Variants in UBAP2L observed in about 807,000 individuals in gnomAD.
UBAP2L encodes the protein ubiquitin-associated protein 2-like.
In UBAP2L, 12 loss-of-function variants were observed where a neutral mutation model predicts 130.6. The observed-to-expected ratio is 0.09, with a 90% CI of 0.06 to 0.15. The LOEUF is 0.15. Among genes scored for constraint, UBAP2L ranks in the 10% least tolerant of loss-of-function variants. The probability of loss-of-function intolerance (pLI) is 1.00; values close to 1 mark genes in which losing one functional copy is unlikely to be tolerated. For synonymous variants in UBAP2L, 503 were observed against 524.7 expected (o/e 0.96, Z 0.57); for missense variants, 965 against 1,332.5 (o/e 0.72, Z 4.29).
chr1:154,239,249 T>C (rs1430536983), intron 8 of UBAP2L, among the ~76,000 whole-genome samples: 1 of 152,156 alleles, frequency 6.6e-6, no homozygotes, highest in Non-Finnish European at 1.5e-5. Context: ...TCTTTTCTTT[T>C]TTTTTTGTTT....
Position 154,270,238 on chromosome 1 carries a change from G to A in UBAP2L, c.3207G>A (p.Pro1069=), listed in dbSNP as rs991190792. 3 of 1,612,840 alleles carry A rather than the reference G, an allele frequency of 1.9e-6. No individual in the cohort carries two copies. Among genetic ancestry groups the A allele is most frequent in the Non-Finnish European group, 2.5e-6 (3 of 1,179,388 alleles). Residue 1069 remains proline, a synonymous_variant, in exon 27 of 27, where the codon CCG becomes CCA. Transcript: ENST00000428931. ...AACGTAGCCAGACCAGCTCCATCCC[G>A]CAGAAGCCCCAGACCAACAAGTCTG... ...SGQRSQTSSI[P]QKPQTNKSAY...
intron 18 of UBAP2L, 41 bp from the exon 19 acceptor site, chr1:154,257,022 C>G (rs1213857847): frequency 6.3e-7 from 1 of 1,588,470 alleles, no homozygotes; most frequent in Non-Finnish European, 8.6e-7. Flanking sequence ...TGATGCTGAT[C>G]TCTTTTCTTC....
At chr1:154,232,503 C>T (rs1034358956) in intron 4 of UBAP2L, among the ~76,000 whole-genome samples, 8 of 152,076 alleles carry the variant, frequency 5.3e-5, no homozygotes, top group African/African-American at 1.2e-4. Flanking sequence ...GCTTATTTTC[C>T]TTACCACAGA....
chr1:154,256,749 T>G (rs1243529252), intron 18 of UBAP2L, among the ~76,000 whole-genome samples: 1 of 152,182 alleles, frequency 6.6e-6, no homozygotes, highest in African/African-American at 2.4e-5. Flanking sequence ...ACATCTCAAC[T>G]CTCTCTGTTC....
intron 4 of UBAP2L, among the ~76,000 whole-genome samples, chr1:154,231,310 C>CT (rs375526293): frequency 1.3e-3 from 174 of 133,332 alleles, no homozygotes; most frequent in African/African-American, 4.4e-3. Context: ...TTTCTTTTTT[C>CT]TTTTTTTTGA....
At position 154,270,425 on chromosome 1, in the gene UBAP2L, T is replaced by C; in HGVS notation, c.*130T>C. On this transcript the variant is annotated 3_prime_UTR_variant, in exon 27 of 27. Transcript: ENST00000428931. Reference sequence around the variant, plus strand: ...CCCCCACCCCCAGCGGCCCACCCCATGCCTCAGCTTCATGTCTGTCCCATT... The same window carrying C: ...CCCCCACCCCCAGCGGCCCACCCCACGCCTCAGCTTCATGTCTGTCCCATT... 4 of 1,158,032 alleles carry C rather than the reference T, an allele frequency of 3.5e-6. No individual in the cohort carries two copies. The highest frequency in any genetic ancestry group is 4.9e-6 in the Non-Finnish European group (4 of 813,102). 71.7% of individuals were successfully genotyped at this position (1,158,032 alleles called of 1,614,324 possible). A position where few individuals can be genotyped will look rare whatever the true frequency, so the allele number is the denominator to read the frequency against.
intron 25 of UBAP2L, among the ~76,000 whole-genome samples, chr1:154,267,911 C>T (rs1173220597): frequency 9.9e-4 from 26 of 26,288 alleles, no homozygotes; most frequent in Admixed American, 7.7e-3. Flanking sequence ...TTTTTTGAGA[C>T]GGAGTTTCAT....
chr1:154,255,431 T>C, intron 17 of UBAP2L, 105 bp downstream of exon 17: 1 of 1,440,604 alleles, frequency 6.9e-7, no homozygotes, highest in South Asian at 1.3e-5. Flanking sequence ...TAGCCCTGCT[T>C]TTGTCGTAAG....
intron 24 of UBAP2L, chr1:154,263,114 C>G (rs1402785865): frequency 6.4e-7 from 1 of 1,551,898 alleles, no homozygotes; most frequent in African/African-American, 1.4e-5. Context: ...AAGAAAATAT[C>G]CACCCCCTTA....
Position 154,255,317 on chromosome 1 carries a change from A to C in UBAP2L, c.2075A>C (p.Gln692Pro). ...SEEIPNTTTT[Q>P]HSSTLSTQQN... The stretch of plus-strand genomic sequence containing the variant: ...GAGATTCCAAATACTACCACCACAC[A>C]ACACAGCAGGTGATTTGGGGTGAGG... Residue 692 changes from glutamine (Q) to proline (P), a missense_variant, in exon 17 of 27, where the codon CAA (glutamine) becomes CCA (proline). This residue lies in a region of UBAP2L where 393 missense variants were observed against 408.1 expected (regional missense o/e 0.96). Transcript: ENST00000428931. The C allele has an allele frequency of 6.2e-7, 1 of 1,613,918 alleles. No homozygotes were observed. Among genetic ancestry groups the C allele is most frequent in the Non-Finnish European group, 8.5e-7 (1 of 1,179,924 alleles).
intron 10 of UBAP2L, 80 bp downstream of exon 10, chr1:154,243,382 T>A (rs1674226382): frequency 1.0e-5 from 13 of 1,257,012 alleles, no homozygotes; most frequent in Non-Finnish European, 1.5e-5. Context: ...CACTGGCCTT[T>A]GTAAACTCCC....
intron 4 of UBAP2L, among the ~76,000 whole-genome samples, chr1:154,230,087 A>G (rs1353235404): frequency 6.6e-6 from 1 of 151,956 alleles, no homozygotes; most frequent in Non-Finnish European, 1.5e-5. Flanking sequence ...GCTCACTGCA[A>G]ACTCTGCCTC....
At chr1:154,231,696 G>C (rs534161410) in intron 4 of UBAP2L, among the ~76,000 whole-genome samples, 1 of 152,228 alleles carries the variant, frequency 6.6e-6, no homozygotes, top group Admixed American at 6.5e-5. Flanking sequence ...ACTTCACTTA[G>C]TGTAATGTTT....
Position 154,260,007 on chromosome 1 carries a change from C to T in UBAP2L, c.2556C>T (p.Ser852=), listed in dbSNP as rs759735229. The T allele has an allele frequency of 8.7e-6, 14 of 1,614,028 alleles. No homozygotes were observed. The highest frequency in any genetic ancestry group is 1.3e-5 in the African/African-American group (1 of 74,918). Residue 852 remains serine (S), a synonymous_variant, in exon 22 of 27, where the codon AGC becomes AGT. Coordinates refer to ENST00000428931, the MANE Select transcript of UBAP2L (RefSeq NM_014847.4). ...PTTPLTGRDG[S]LASNPYSGDL... is the part of the protein sequence containing the mutation. ...CTCCGCTGACTGGGAGGGATGGTAGCCTGGCCAGCAACCCTTATTCTGGTA... is the reference window on the plus strand; with the variant it reads ...CTCCGCTGACTGGGAGGGATGGTAGTCTGGCCAGCAACCCTTATTCTGGTA...
At chr1:154,245,120 T>G (rs981894203) in intron 10 of UBAP2L, among the ~76,000 whole-genome samples, 1 of 152,068 alleles carries the variant, frequency 6.6e-6, no homozygotes. Flanking sequence ...TTAGTAGGGT[T>G]TTACCATGTT....
chr1:154,244,606 C>T (rs1172129037), intron 10 of UBAP2L, among the ~76,000 whole-genome samples: 1 of 152,084 alleles, frequency 6.6e-6, no homozygotes, highest in African/African-American at 2.4e-5. Context: ...GATCCACCCA[C>T]CTCAGCCTCC....
At position 154,225,134 on chromosome 1, in the gene UBAP2L, C is replaced by T. The variant is rs762100813; in HGVS notation, c.11C>T (p.Ser4Leu). 1.2e-6 allele frequency: 2 copies of T among 1,613,976 alleles called. No individual in the cohort carries two copies. Among genetic ancestry groups the T allele is most frequent in the Admixed American group, 1.7e-5 (1 of 60,012 alleles). Residue 4 changes from serine (S) to leucine (L), a missense_variant, in exon 2 of 27, where the codon TCG (serine) becomes TTG (leucine). Transcript: ENST00000428931. ...TTGTATATACTGTAAATGATGACAT[C>T]GGTGGGCACTAACCGAGCCCGGGGA... MMTSVGTNRARGNW... is the reference protein window; with the variant it reads MMTLVGTNRARGNW...
At chr1:154,254,598 T>C in intron 15 of UBAP2L, 1 of 563,220 alleles carries the variant, frequency 1.8e-6, no homozygotes, top group Non-Finnish European at 3.1e-6. Flanking sequence ...ATTTGTAGGG[T>C]TTCCTTCTTT....
chr1:154,256,078 C>T (rs1679541085), intron 18 of UBAP2L, among the ~76,000 whole-genome samples: 1 of 152,212 alleles, frequency 6.6e-6, no homozygotes, highest in South Asian at 2.1e-4. Flanking sequence ...TGTTCTCTTT[C>T]CTTGGTCTTG....
Sources: allele counts gnomAD v4.1 joint callset (sites outside exome capture counted in the v4.1 genomes callset), GRCh38; gene constraint gnomAD v4.1.1; regional missense constraint gnomAD v4.1.1; transcripts MANE v1.5; gene names NCBI Gene and HGNC (gene_info 2026-07-23, HGNC 2026-07-21).